USP10: variants seen among roughly 807,000 people sequenced by gnomAD.
The protein encoded by USP10 is ubiquitin specific peptidase 10, also known as ubiquitin carboxyl-terminal hydrolase 10.
In USP10, 22 loss-of-function variants were observed where a neutral mutation model predicts 84.5. The ratio of observed to expected loss-of-function variants is 0.26; its 90% CI spans 0.19 to 0.37. USP10 has a LOEUF of 0.37. USP10 is among the 10% of genes least tolerant of loss of function. The probability of loss-of-function intolerance (pLI) is 1.00; values close to 1 mark genes in which losing one functional copy is unlikely to be tolerated. For missense variants in USP10, 1,019 were observed against 998.9 expected (o/e 1.02, Z -0.27); for synonymous variants, 454 against 387.6 (o/e 1.17, Z -2.01).
intron 1 of USP10, among the ~76,000 whole-genome samples, chr16:84,718,579 A>C (rs1049691799): frequency 6.6e-6 from 1 of 151,878 alleles, no homozygotes; most frequent in African/African-American, 2.4e-5. Context: ...AACATGGTAA[A>C]ACCCTGTCCC....
At chr16:84,776,432 G>A (rs1278317531) in intron 13 of USP10, among the ~76,000 whole-genome samples, 1 of 152,096 alleles carries the variant, frequency 6.6e-6, no homozygotes, top group Non-Finnish European at 1.5e-5. Flanking sequence ...TTCTCCCCCC[G>A]ATCACAATTC....
At chr16:84,733,052 G>A (rs1438488260) in intron 1 of USP10, 7 of 455,086 alleles carry the variant, frequency 1.5e-5, no homozygotes, top group Non-Finnish European at 2.6e-5. Flanking sequence ...CTTTTCTTTA[G>A]TATGTTTGGC....
chr16:84,772,135 T>A (rs1914519408), intron 11 of USP10, among the ~76,000 whole-genome samples: 1 of 152,164 alleles, frequency 6.6e-6, no homozygotes, highest in Non-Finnish European at 1.5e-5. Flanking sequence ...CACTGCAACG[T>A]CTACCTCCTG....
intron 1 of USP10, among the ~76,000 whole-genome samples, chr16:84,712,917 C>A (rs1567591282): frequency 6.6e-6 from 1 of 152,192 alleles, no homozygotes; most frequent in Admixed American, 6.5e-5. Context: ...ACCAGAGTTA[C>A]CAGCAAGTGC....
At chr16:84,734,866 C>T (rs567813547) in intron 2 of USP10, among the ~76,000 whole-genome samples, 2 of 152,304 alleles carry the variant, frequency 1.3e-5, no homozygotes, top group African/African-American at 4.8e-5. Flanking sequence ...GTGGCCCTGG[C>T]AGGTGCCTCC....
intron 13 of USP10, among the ~76,000 whole-genome samples, chr16:84,778,236 A>G (rs1313525192): frequency 6.6e-6 from 1 of 152,112 alleles, no homozygotes; most frequent in Non-Finnish European, 1.5e-5. Flanking sequence ...CGTGGTTAGC[A>G]GTCCCAGGGT....
At chr16:84,739,144 C>T (rs1446241086) in intron 2 of USP10, among the ~76,000 whole-genome samples, 4 of 151,692 alleles carry the variant, frequency 2.6e-5, no homozygotes, top group Non-Finnish European at 4.4e-5. Context: ...CTGCAAGCTC[C>T]GCCTCCCGGG....
chr16:84,722,171 C>G lies in USP10; in HGVS notation c.22-11264C>G, dbSNP rs1173049522. 3.3e-5 allele frequency among the ~76,000 whole-genome samples: 5 copies of G among 152,210 alleles called. No individual in the cohort carries two copies. In the South Asian group the frequency reaches 8.3e-4, roughly 25 times the overall value. The stretch of plus-strand genomic sequence containing the variant: ...TATAGGCTAAGAAAGTTTGCCTTTT[C>G]TAGAATTACATTGGCCCAGAATTAC... On this transcript the variant is annotated intron_variant, in intron 1 of 13. Coordinates refer to ENST00000219473, the MANE Select transcript of USP10 (RefSeq NM_005153.3).
Position 84,759,960 on chromosome 16 carries a change from A to C in USP10, c.1450+14A>C, listed in dbSNP as rs749111440. The C allele has an allele frequency of 6.2e-7, 1 of 1,613,550 alleles. No individual in the cohort carries two copies. Among genetic ancestry groups the C allele is most frequent in the South Asian group, 1.1e-5 (1 of 91,076 alleles). ...AACCCCGACAAGGTTAGTAAAAATG[A>C]GTTTTGTTGATGCTATTACATATTG... On this transcript the variant is annotated intron_variant, in intron 7 of 13. Coordinates refer to ENST00000219473, the MANE Select transcript of USP10 (RefSeq NM_005153.3).
rs775042664 is a variant in USP10, at chr16:84,744,845, C to T, written c.364C>T (p.Leu122Phe). The part of the protein sequence containing the change: ...SIDCQYPGSA[L>F]ALDGSSNVEA... ...CGACTGCCAGTACCCAGGCTCTGCC[C>T]TCGCTTTGGATGGAAGTTCTAATGT... Residue 122 changes from leucine (L) to phenylalanine (F), a missense_variant, in exon 4 of 14, where the codon CTC becomes TTC. Leu to Phe is a conservative substitution (Grantham distance 22). Around this residue, in one of 2 missense-constraint regions of USP10, gnomAD observed 787 missense variants for 708.8 expected, o/e 1.11. Transcript: ENST00000219473. 1.7e-5 allele frequency: 28 copies of T among 1,613,630 alleles called. No homozygotes were observed. The highest frequency in any genetic ancestry group is 2.4e-5 in the Non-Finnish European group (28 of 1,179,730).
intron 4 of USP10, 70 bp from the exon 5 acceptor site, chr16:84,758,646 A>G (rs1340981587): frequency 3.8e-5 from 41 of 1,072,188 alleles, no homozygotes; most frequent in Non-Finnish European, 5.8e-6. Flanking sequence ...AGAGTAGAGC[A>G]TGTGAAATGA....
chr16:84,759,832 T>A, intron 6 of USP10, 59 bp from the exon 7 acceptor site: 1 of 1,535,084 alleles, frequency 6.5e-7, no homozygotes, highest in Admixed American at 1.7e-5. Context: ...TCAAAGCTCT[T>A]TAGTAAAAGT....
intron 1 of USP10, among the ~76,000 whole-genome samples, chr16:84,707,866 C>G (rs185362415): frequency 1.8e-4 from 27 of 151,144 alleles, no homozygotes; most frequent in Admixed American, 4.6e-4. Flanking sequence ...ATCACTCAAG[C>G]TCAGGAGTTT....
chr16:84,751,850 C>G (rs1031180542), intron 4 of USP10, among the ~76,000 whole-genome samples: 6 of 152,122 alleles, frequency 3.9e-5, no homozygotes, highest in African/African-American at 1.4e-4. Flanking sequence ...GTTAATATGA[C>G]CCCTAAGTCC....
intron 2 of USP10, among the ~76,000 whole-genome samples, chr16:84,738,205 C>G (rs953722103): frequency 6.6e-6 from 1 of 152,132 alleles, no homozygotes; most frequent in African/African-American, 2.4e-5. Context: ...CTTCCCCGAG[C>G]AGAACAGAAT....
At chr16:84,728,571 C>T (rs377278711) in intron 1 of USP10, among the ~76,000 whole-genome samples, 12 of 152,038 alleles carry the variant, frequency 7.9e-5, no homozygotes, top group Non-Finnish European at 1.3e-4. Flanking sequence ...CCTCGTGATC[C>T]GCCTGCCTCG....
In USP10 at chr16:84,744,620, T is replaced by C. The variant is rs1158069745; in HGVS notation, c.152-13T>C. ...GAACTGGGTTCTTAACTAATAGTTTTCTTTCTAAACAGGACAAGAATATCA... is the reference window on the plus strand; with the variant it reads ...GAACTGGGTTCTTAACTAATAGTTTCCTTTCTAAACAGGACAAGAATATCA... On this transcript the variant is annotated splice_polypyrimidine_tract_variant and intron_variant, in intron 3 of 13. Coordinates refer to ENST00000219473, the MANE Select transcript of USP10 (RefSeq NM_005153.3). 1 of 1,577,992 alleles carries C rather than the reference T, an allele frequency of 6.3e-7. No homozygotes were observed. The highest frequency in any genetic ancestry group is 2.3e-5 in the East Asian group (1 of 44,324).
chr16:84,741,365 C>T (rs1055650315), intron 3 of USP10, among the ~76,000 whole-genome samples: 2 of 152,230 alleles, frequency 1.3e-5, no homozygotes, highest in South Asian at 2.1e-4. Flanking sequence ...GCCTCCTGAG[C>T]CACCTTTTAA....
At chr16:84,736,755 C>A (rs1433763228) in intron 2 of USP10, among the ~76,000 whole-genome samples, 1 of 152,056 alleles carries the variant, frequency 6.6e-6, no homozygotes, top group Non-Finnish European at 1.5e-5. Flanking sequence ...TGTGGGTACT[C>A]ATGGAGAGTA....
Sources: gnomAD v4.1 joint callset for allele counts (sites outside exome capture counted in the v4.1 genomes callset) on GRCh38, gnomAD v4.1.1 for gene constraint, gnomAD v4.1.1 regional missense constraint, MANE v1.5 for transcripts, NCBI Gene and HGNC (gene_info 2026-07-23, HGNC 2026-07-21) for gene names.